The following CCDC174 variants were observed in gnomAD, a reference collection of about 807,000 sequenced individuals.
CCDC174 encodes the protein coiled-coil domain-containing protein 174.
In CCDC174, 37 loss-of-function variants were observed where a neutral mutation model predicts 57.1. The observed-to-expected ratio is 0.65, with a 90% CI of 0.50 to 0.85. The LOEUF (loss-of-function observed/expected upper bound fraction) is 0.85. Among genes scored for constraint, CCDC174 ranks in the 40% least tolerant of loss-of-function variants. The pLI is 0.00. For missense variants in CCDC174, 540 were observed against 574.3 expected (o/e 0.94, Z 0.61); for synonymous variants, 182 against 190.2 (o/e 0.96, Z 0.35).
intron 4 of CCDC174, among the ~76,000 whole-genome samples, chr3:14,660,637 C>G (rs1324988303): frequency 2.6e-5 from 4 of 152,214 alleles, no homozygotes; most frequent in African/African-American, 9.6e-5. Context: ...AGCCAGCAAG[C>G]CTACCTCCTG....
At position 14,671,055 on chromosome 3, in the gene CCDC174, G is replaced by A; in HGVS notation, c.1265G>A (p.Gly422Glu). Residue 422 changes from glycine to glutamate, a missense_variant, in exon 11 of 11, where the codon GGG (glycine) becomes GAG (glutamate). Transcript: ENST00000383794. The part of the protein sequence containing the change: ...SRPGPAQSDP[G>E]QCPDQSHGPS... ...CCTGGGCCAGCACAGAGTGACCCAG[G>A]GCAGTGCCCTGACCAGAGCCACGGA... 6.2e-7 allele frequency: 1 copy of A among 1,614,120 alleles called. No homozygotes were observed. The highest frequency in any genetic ancestry group is 8.5e-7 in the Non-Finnish European group (1 of 1,180,020).
Position 14,668,130 on chromosome 3 carries a change from CA to C in CCDC174, c.908del (p.Lys303ArgfsTer2), listed in dbSNP as rs1229700711. ...AGAGGCAAGACTTGCCAAACTTCGA[CA>C]AAAAAAGATGAAAAAATCAAAAGAA... ...ILEARLAKLR[Q>X]KKMKKSKEGG... On this transcript the variant is annotated frameshift_variant, in exon 9 of 11. Coordinates refer to ENST00000383794, the MANE Select transcript of CCDC174 (RefSeq NM_016474.5). LOFTEE classifies it high-confidence loss of function. 3 of 1,604,222 alleles carry C rather than the reference CA, an allele frequency of 1.9e-6. No homozygotes were observed. Among genetic ancestry groups the C allele is most frequent in the East Asian group, 2.3e-5 (1 of 44,232 alleles).
chr3:14,658,042 G>A (rs573162223), intron 3 of CCDC174, among the ~76,000 whole-genome samples: 16 of 152,328 alleles, frequency 1.1e-4, no homozygotes, highest in African/African-American at 3.6e-4. Context: ...TGAGTGAGCC[G>A]GTCCACCATG....
chr3:14,657,781 G>T (rs1034442060), intron 3 of CCDC174, among the ~76,000 whole-genome samples: 1 of 152,108 alleles, frequency 6.6e-6, no homozygotes, highest in African/African-American at 2.4e-5. Context: ...CCTGCCCCCA[G>T]ATCCTCCTGT....
Position 14,671,226 on chromosome 3 carries a change from T to G in CCDC174, c.*32T>G. The stretch of plus-strand genomic sequence containing the variant: ...AAAGCACGCTGACTTGGGTTTGTAC[T>G]TTGACAGTGCCTTTCTCTCCCAGAG... On this transcript the variant is annotated 3_prime_UTR_variant, in exon 11 of 11. Transcript: ENST00000383794. The G allele has an allele frequency of 6.4e-7, 1 of 1,569,380 alleles. No individual in the cohort carries two copies. The highest frequency in any genetic ancestry group is 8.7e-7 in the Non-Finnish European group (1 of 1,151,552).
Position 14,658,943 on chromosome 3 carries a change from G to C in CCDC174, c.307+14G>C. 6.7e-7 allele frequency: 1 copy of C among 1,491,656 alleles called. No individual in the cohort carries two copies. Among genetic ancestry groups the C allele is most frequent in the Non-Finnish European group, 9.2e-7 (1 of 1,088,798 alleles). The allele number at this position is 1,491,656 out of a possible 1,614,324, so 92.4% of individuals were successfully genotyped here. ...GAGACTTTATAGGTAAATAAAATTT[G>C]TTATTTCTACTTCATTTTCTATAAT... On this transcript the variant is annotated intron_variant, in intron 4 of 10. Coordinates refer to ENST00000383794, the MANE Select transcript of CCDC174 (RefSeq NM_016474.5).
Position 14,655,525 on chromosome 3 carries a change from C to G in CCDC174, c.148-4C>G. The stretch of plus-strand genomic sequence containing the variant: ...CTGTTTTGTCTTCTAAAATTATTCT[C>G]CAGAAACCAAGTATCTGGAGCAAAC... On this transcript the variant is annotated splice_polypyrimidine_tract_variant and splice_region_variant and intron_variant, in intron 2 of 10. Transcript: ENST00000383794. The G allele has an allele frequency of 6.3e-7, 1 of 1,593,274 alleles. No individual in the cohort carries two copies. The highest frequency in any genetic ancestry group is 1.4e-5 in the African/African-American group (1 of 73,680).
intron 5 of CCDC174, 89 bp from the exon 6 acceptor site, chr3:14,664,939 C>T (rs2031264734): frequency 1.1e-6 from 1 of 898,034 alleles, no homozygotes; most frequent in Non-Finnish European, 1.9e-6. Context: ...TGAGGCCTAT[C>T]TTCCCCCTTC....
At chr3:14,663,637 C>T (rs2031223779) in intron 5 of CCDC174, among the ~76,000 whole-genome samples, 1 of 152,176 alleles carries the variant, frequency 6.6e-6, no homozygotes, top group Non-Finnish European at 1.5e-5. Flanking sequence ...CCGTGGCTGA[C>T]TACTGTCTTG....
At chr3:14,653,210 CA>C (rs1467663044) in intron 1 of CCDC174, among the ~76,000 whole-genome samples, 2 of 152,120 alleles carry the variant, frequency 1.3e-5, no homozygotes, top group African/African-American at 4.8e-5. Flanking sequence ...GACAGGTTAG[CA>C]GTAATTGTAA....
chr3:14,657,791 TG>T (rs1287357336), intron 3 of CCDC174, among the ~76,000 whole-genome samples: 1 of 152,224 alleles, frequency 6.6e-6, no homozygotes, highest in Admixed American at 6.5e-5. Flanking sequence ...GATCCTCCTG[TG>T]GTTGGCTGCT....
intron 6 of CCDC174, 138 bp from the exon 7 acceptor site, chr3:14,666,667 C>CT (rs2031351707): frequency 1.6e-6 from 1 of 623,370 alleles, no homozygotes; most frequent in South Asian, 3.4e-5. Context: ...TTCCAGCAGT[C>CT]TTGTGGGTCA....
Position 14,666,862 on chromosome 3 carries a change from TCAGCGC to T in CCDC174, c.644_649del (p.Arg215_Gln216del). On this transcript the variant is annotated inframe_deletion, in exon 7 of 11. Transcript: ENST00000383794. Reference sequence around the variant, plus strand: ...TATCTGAAGATATGAGAAAAGAACTTCAGCGCCAGCAATGGGAGGAAGAAGAAAGAG... The same window carrying T: ...TATCTGAAGATATGAGAAAAGAACTTCAGCAATGGGAGGAAGAAGAAAGAG... 6.2e-7 allele frequency: 1 copy of T among 1,605,860 alleles called. No homozygotes were observed. The highest frequency in any genetic ancestry group is 8.5e-7 in the Non-Finnish European group (1 of 1,177,876).
rs114876872 is a variant in CCDC174 at position 14,661,394 on chromosome 3, C to T, written c.308-136C>T. On this transcript the variant is annotated intron_variant, in intron 4 of 10. Transcript: ENST00000383794. ...CAAGGTAGCTGTGTGTCTTTGTAAA[C>T]ATTTGGGGAGTGGAGGCATTGGCTG... 2.1e-3 allele frequency: 1,439 copies of T among 680,960 alleles called. 20 individuals are homozygous for T. In the African/African-American group the frequency reaches 0.022, roughly 11 times the overall value. 42.2% of individuals were successfully genotyped at this position (680,960 alleles called of 1,614,324 possible).
chr3:14,659,895 G>T (rs189649806), intron 4 of CCDC174, among the ~76,000 whole-genome samples: 2 of 152,320 alleles, frequency 1.3e-5, no homozygotes, highest in South Asian at 4.1e-4. Flanking sequence ...AAGCAGACCA[G>T]CTGAGGAGGG....
chr3:14,665,769 G>A (rs1203232821), intron 6 of CCDC174, among the ~76,000 whole-genome samples: 4 of 151,984 alleles, frequency 2.6e-5, no homozygotes, highest in African/African-American at 7.2e-5. Context: ...GGTGGCTCAC[G>A]CCTGTAATCC....
intron 4 of CCDC174, among the ~76,000 whole-genome samples, chr3:14,659,490 C>T (rs773453393): frequency 6.6e-6 from 1 of 152,166 alleles, no homozygotes; most frequent in South Asian, 2.1e-4. Context: ...AGTTTGAGAC[C>T]AGCCCGGGCA....
At chr3:14,658,466 A>G (rs552936497) in intron 3 of CCDC174, among the ~76,000 whole-genome samples, 7 of 152,214 alleles carry the variant, frequency 4.6e-5, no homozygotes, top group Non-Finnish European at 1.0e-4. Context: ...TGTCATCAGA[A>G]TTACTGTGAG....
At chr3:14,667,224 C>T in intron 7 of CCDC174, 200 bp from the exon 8 acceptor site, 4 of 622,826 alleles carry the variant, frequency 6.4e-6, no homozygotes, top group Non-Finnish European at 1.1e-5. Context: ...TTATGCTTCC[C>T]TTGGCAAACA....
Sources: gnomAD v4.1 joint callset for allele counts (sites outside exome capture counted in the v4.1 genomes callset) on GRCh38, gnomAD v4.1.1 for gene constraint, MANE v1.5 for transcripts, NCBI Gene and HGNC (gene_info 2026-07-23, HGNC 2026-07-21) for gene names.